The following MAGT1 variants were observed in gnomAD, a reference collection of about 807,000 sequenced individuals.
MAGT1 encodes the protein dolichyl-diphosphooligosaccharide--protein glycosyltransferase subunit MAGT1.
MAGT1 carries 4 observed loss-of-function variants against 28.4 expected under a neutral mutation model. The ratio of observed to expected loss-of-function variants is 0.14; its 90% CI spans 0.07 to 0.32. The LOEUF (loss-of-function observed/expected upper bound fraction) is 0.32, where lower values mean the gene tolerates loss of function less well. Ranked by LOEUF, MAGT1 falls within the 10% of genes least tolerant of loss-of-function variation. The pLI is 1.00. For missense variants in MAGT1, 193 were observed against 264.5 expected (o/e 0.73, Z 1.88); for synonymous variants, 89 against 89.7 (o/e 0.99, Z 0.04).
At position 77,895,402 on chromosome X, in the gene MAGT1, C is replaced by T. The variant is rs782378958; in HGVS notation, c.9G>A (p.Ala3=). 2.5e-6 allele frequency: 3 copies of T among 1,211,810 alleles called. No individual in the cohort carries two copies. In the South Asian group the frequency reaches 5.3e-5, roughly 21 times the overall value. The change falls in exon 1 of 10, where the codon GCG becomes GCA. Residue 3 remains alanine, a synonymous_variant. Coordinates refer to ENST00000618282, the MANE Select transcript of MAGT1 (RefSeq NM_001367916.1). MA[A]RWRFWCVSVT... ...CAGAGACACACCAAAACCGCCAACG[C>T]GCTGCCATGTTCGCTCCTCTCCCTT... is the stretch of plus-strand genomic sequence containing the variant.
At chrX:77,853,578 C>T (rs1201762829) in intron 7 of MAGT1, among the ~76,000 whole-genome samples, 2 of 112,073 alleles carry the variant, frequency 1.8e-5, no homozygotes, top group African/African-American at 3.2e-5. Context: ...CAAAACAATG[C>T]TTTGTTTAAA....
At chrX:77,870,657 A>G in intron 3 of MAGT1, 151 bp downstream of exon 3, 1 of 443,674 alleles carries the variant, frequency 2.3e-6, no homozygotes, top group Non-Finnish European at 3.9e-6. Flanking sequence ...ACTACATTTT[A>G]TGGTTAGCTC....
chrX:77,839,789 G>A (rs1224751565), intron 8 of MAGT1, among the ~76,000 whole-genome samples: 2 of 109,422 alleles, frequency 1.8e-5, no homozygotes, highest in East Asian at 2.9e-4. Flanking sequence ...TTACAGGCGT[G>A]AGCCACCGCG....
At chrX:77,848,511 G>A (rs782796522) in intron 7 of MAGT1, among the ~76,000 whole-genome samples, 3 of 110,586 alleles carry the variant, frequency 2.7e-5, no homozygotes, top group Non-Finnish European at 5.7e-5. Flanking sequence ...CTTTTTCTTC[G>A]TATTTTCAGA....
intron 1 of MAGT1, among the ~76,000 whole-genome samples, chrX:77,876,294 T>C (rs892239222): frequency 3.4e-4 from 35 of 104,171 alleles, no homozygotes; most frequent in Middle Eastern, 5.0e-3. Context: ...TCATGAGCCA[T>C]TGCACCCAGA....
intron 1 of MAGT1, among the ~76,000 whole-genome samples, chrX:77,879,770 C>T (rs1349058353): frequency 1.9e-5 from 2 of 105,653 alleles, no homozygotes; most frequent in African/African-American, 6.9e-5. Context: ...TAAACACTTA[C>T]ATAGAAACAA....
At chrX:77,842,323 G>T (rs1354332956) in intron 7 of MAGT1, among the ~76,000 whole-genome samples, 1 of 109,780 alleles carries the variant, frequency 9.1e-6, no homozygotes, top group African/African-American at 3.3e-5. Context: ...GAGCCTGGAA[G>T]GTTGAGGCTG....
intron 2 of MAGT1, 139 bp downstream of exon 2, chrX:77,875,289 A>G: frequency 1.8e-6 from 1 of 553,700 alleles, no homozygotes; most frequent in Non-Finnish European, 3.1e-6. Context: ...AAAGAGCAGT[A>G]GTATTGCTAC....
At chrX:77,835,865 G>A (rs1045443782) in intron 8 of MAGT1, among the ~76,000 whole-genome samples, 134 of 111,209 alleles carry the variant, frequency 1.2e-3, no homozygotes, top group African/African-American at 4.2e-3. Context: ...GTGCAGTGGC[G>A]CCAGCTTGGC....
chrX:77,851,549 T>C (rs2076968497), intron 7 of MAGT1, among the ~76,000 whole-genome samples: 1 of 111,844 alleles, frequency 8.9e-6, no homozygotes, highest in Admixed American at 9.5e-5. Context: ...AATTTTTGTA[T>C]TTTTAGTAGA....
rs191651295 is a variant in MAGT1, at chrX:77,841,112, T to C, written c.901+134A>G. The C allele has an allele frequency of 2.2e-3, 997 of 445,962 alleles. 1 individual carries two copies. Among genetic ancestry groups the C allele is most frequent in the Non-Finnish European group, 3.3e-3 (858 of 257,640 alleles). The allele number at this position is 445,962 out of a possible 1,213,427, so 36.8% of individuals were successfully genotyped here. ...TAGTAAAGGAGTTTAATAACAGATATGACATTTAAAGAAAAAAATAGTAAA... is the reference window on the plus strand; with the variant it reads ...TAGTAAAGGAGTTTAATAACAGATACGACATTTAAAGAAAAAAATAGTAAA... On this transcript the variant is annotated intron_variant, in intron 8 of 9. Coordinates refer to ENST00000618282, the MANE Select transcript of MAGT1 (RefSeq NM_001367916.1).
intron 1 of MAGT1, among the ~76,000 whole-genome samples, chrX:77,880,300 C>T (rs1345013908): frequency 1.9e-5 from 2 of 105,206 alleles, no homozygotes; most frequent in African/African-American, 3.5e-5. Flanking sequence ...GAGGCCAAGG[C>T]GGGCAGATCA....
chrX:77,873,635 C>A (rs782438783), intron 2 of MAGT1, among the ~76,000 whole-genome samples: 4 of 111,410 alleles, frequency 3.6e-5, no homozygotes, highest in African/African-American at 6.5e-5. Context: ...CAAGATTAGT[C>A]TCCATCTCCA....
At position 77,830,884 on chromosome X, in the gene MAGT1, C is replaced by A; in HGVS notation, c.913G>T (p.Ala305Ser). ...AATAATACAACAAGTCCAATACCAG[C>A]CACACACATTACTGCAGAAAAATAA... Reference protein sequence around the residue: ...DIGKRKIMCVAGIGLVVLFFS... With the variant: ...DIGKRKIMCVSGIGLVVLFFS... Residue 305 changes from alanine (A) to serine (S), a missense_variant, in exon 9 of 10, where the codon GCT (alanine) becomes TCT (serine). Ala to Ser is a moderately conservative substitution (Grantham distance 99). Transcript: ENST00000618282. 2 of 1,125,768 alleles carry A rather than the reference C, an allele frequency of 1.8e-6. No individual in the cohort carries two copies. The highest frequency in any genetic ancestry group is 2.2e-5 in the South Asian group (1 of 46,463). The allele number at this position is 1,125,768 out of a possible 1,213,427, so 92.8% of individuals were successfully genotyped here.
chrX:77,846,734 G>A (rs1557214979), intron 7 of MAGT1, among the ~76,000 whole-genome samples: 1 of 111,952 alleles, frequency 8.9e-6, no homozygotes, highest in East Asian at 2.8e-4. Context: ...AACAGTGGAG[G>A]TTGCAGAACA....
At chrX:77,895,269 C>T (rs2077095148) in intron 1 of MAGT1, 40 bp downstream of exon 1, 2 of 1,194,593 alleles carry the variant, frequency 1.7e-6, no homozygotes, top group East Asian at 3.0e-5. Context: ...AAGCCCCAGT[C>T]ATTGGGAAAA....
chrX:77,873,677 A>G (rs1419142820), intron 2 of MAGT1, among the ~76,000 whole-genome samples: 1 of 111,969 alleles, frequency 8.9e-6, no homozygotes, highest in Non-Finnish European at 1.9e-5. Context: ...CAACTGGGAA[A>G]TTAGAAACAT....
At chrX:77,886,920 G>A in intron 1 of MAGT1, among the ~76,000 whole-genome samples, 1 of 111,664 alleles carries the variant, frequency 9.0e-6, no homozygotes, top group Non-Finnish European at 1.9e-5. Flanking sequence ...GAAAAAGCAT[G>A]CCATTTCTAA....
At chrX:77,848,917 C>T (rs782000182) in intron 7 of MAGT1, among the ~76,000 whole-genome samples, 5 of 109,162 alleles carry the variant, frequency 4.6e-5, no homozygotes, top group South Asian at 4.0e-4. Context: ...AGGAGGCTGA[C>T]GTGGGAGGAC....
Sources: gnomAD v4.1 joint callset for allele counts (sites outside exome capture counted in the v4.1 genomes callset) on GRCh38, gnomAD v4.1.1 for gene constraint, MANE v1.5 for transcripts, NCBI Gene and HGNC (gene_info 2026-07-23, HGNC 2026-07-21) for gene names.